The following DNAJB4 variants were observed in gnomAD, a reference collection of about 807,000 sequenced individuals.
DNAJB4 encodes DnaJ heat shock protein family (Hsp40) member B4.
A neutral mutation model predicts 26.6 loss-of-function variants in DNAJB4; 10 were observed. The observed-to-expected ratio is 0.38, with a 90% CI of 0.23 to 0.64. The LOEUF is 0.64. Ranked by LOEUF, DNAJB4 falls within the 30% of genes least tolerant of loss-of-function variation. The pLI, the probability that DNAJB4 is intolerant of heterozygous loss-of-function variation, is 0.58. For synonymous variants in DNAJB4, 136 were observed against 134.8 expected (o/e 1.01, Z -0.06); for missense variants, 328 against 408.2 (o/e 0.80, Z 1.69).
chr1:78,007,280 C>T (rs1004717987), intron 1 of DNAJB4, among the ~76,000 whole-genome samples: 1 of 152,006 alleles, frequency 6.6e-6, no homozygotes, highest in Non-Finnish European at 1.5e-5. Context: ...TTATAGGTTA[C>T]TTGAAAATAC....
At chr1:77,999,640 A>G (rs1475745212) in intron 1 of DNAJB4, among the ~76,000 whole-genome samples, 1 of 152,196 alleles carries the variant, frequency 6.6e-6, no homozygotes, top group Non-Finnish European at 1.5e-5. Flanking sequence ...AATAGTTTAT[A>G]TAGCTTAAAA....
upstream of DNAJB4, among the ~76,000 whole-genome samples, chr1:78,000,038 G>T (rs372052152): frequency 1.4e-4 from 21 of 152,290 alleles, no homozygotes; most frequent in East Asian, 3.5e-3. Flanking sequence ...CTACCTATGG[G>T]AAGTTTTAAT....
chr1:78,004,419 A>G (rs1660268902), upstream of DNAJB4: 1 of 152,178 alleles, frequency 6.6e-6, no homozygotes. Context: ...TAGTACACAA[A>G]CTTTCTGGCG....
rs545787787 is a variant in DNAJB4 at position 78,005,061 on chromosome 1, G to T, written c.-50G>T. Reference sequence around the variant, plus strand: ...AGAATCTGTTGCTAAGACTGGGGACGCTGTTTTCTTTTACAAAGGGAAATC... The same window carrying T: ...AGAATCTGTTGCTAAGACTGGGGACTCTGTTTTCTTTTACAAAGGGAAATC... On this transcript the variant is annotated 5_prime_UTR_variant, in exon 1 of 3. Transcript: ENST00000370763. The T allele has an allele frequency of 8.3e-6, 13 of 1,557,722 alleles. No homozygotes were observed. In the African/African-American group the frequency reaches 1.1e-4, roughly 13 times the overall value.
chr1:78,013,088 A>G lies in DNAJB4; in HGVS notation c.249A>G (p.Gly83=), dbSNP rs1009515699. 1.9e-6 allele frequency: 3 copies of G among 1,613,260 alleles called. No homozygotes were observed. The African/African-American group carries it at 4.0e-5, about 22-fold the overall frequency. The part of the protein sequence containing the change: ...KGGAGGTDGQ[G]GTFRYTFHGD... ...GAGCAGGAGGTACTGATGGACAAGG[A>G]GGTACCTTCCGGTACACCTTTCATG... The change falls in exon 2 of 3, where the codon GGA becomes GGG. Residue 83 remains glycine, a synonymous_variant. Coordinates refer to ENST00000370763, the MANE Select transcript of DNAJB4 (RefSeq NM_007034.5).
chr1:77,987,920 A>G (rs997387029), intron 1 of DNAJB4, among the ~76,000 whole-genome samples: 1 of 148,146 alleles, frequency 6.8e-6, no homozygotes, highest in African/African-American at 2.5e-5. Flanking sequence ...TATTTTATAT[A>G]TGTACATATA....
In DNAJB4 at chr1:78,016,154, TG is replaced by T. The variant is rs770474948; in HGVS notation, c.923del (p.Gly308ValfsTer4). 6.2e-7 allele frequency: 1 copy of T among 1,614,148 alleles called. No individual in the cohort carries two copies. The highest frequency in any genetic ancestry group is 8.5e-7 in the Non-Finnish European group (1 of 1,180,026). The stretch of plus-strand genomic sequence containing the variant: ...CATTTCCAAAAAATCCTGACCAACG[TG>T]GTGACCTTCTAATAGAATTTGAGGT... ...LPFPKNPDQR[G>X]DLLIEFEVSF... On this transcript the variant is annotated frameshift_variant, in exon 3 of 3. Transcript: ENST00000370763. LOFTEE classifies it high-confidence loss of function.
chr1:77,998,826 G>A (rs1660125398), intron 1 of DNAJB4, among the ~76,000 whole-genome samples: 3 of 145,548 alleles, frequency 2.1e-5, no homozygotes, highest in African/African-American at 7.5e-5. Flanking sequence ...CTGGGCAACA[G>A]AGTGAGATCC....
chr1:77,989,115 A>G (rs949510254), intron 1 of DNAJB4, among the ~76,000 whole-genome samples: 2 of 152,174 alleles, frequency 1.3e-5, no homozygotes, highest in Non-Finnish European at 2.9e-5. Context: ...GAGTATTGAT[A>G]CTGTGTATGA....
chr1:77,982,740 G>A (rs1160136992), intron 1 of DNAJB4, among the ~76,000 whole-genome samples: 6 of 152,268 alleles, frequency 3.9e-5, no homozygotes, highest in Non-Finnish European at 5.9e-5. Flanking sequence ...GGAGGTTGCA[G>A]TGAGCTGAGA....
intron 1 of DNAJB4, among the ~76,000 whole-genome samples, chr1:77,982,866 A>T (rs538455440): frequency 6.6e-6 from 1 of 152,208 alleles, no homozygotes; most frequent in African/African-American, 2.4e-5. Context: ...ATTGGACTAT[A>T]TGTGAATCCG....
intron 1 of DNAJB4, among the ~76,000 whole-genome samples, chr1:77,991,184 A>T (rs1295489404): frequency 6.6e-6 from 1 of 152,200 alleles, no homozygotes; most frequent in African/African-American, 2.4e-5. Context: ...TGCTTTATAT[A>T]TAACAAATAT....
chr1:77,986,137 TGTC>T (rs1659784681), intron 1 of DNAJB4, among the ~76,000 whole-genome samples: 1 of 152,176 alleles, frequency 6.6e-6, no homozygotes, highest in Non-Finnish European at 1.5e-5. Flanking sequence ...TCATCCCAAT[TGTC>T]AGCCTGATTC....
At chr1:78,003,630 C>A (rs1369176490), upstream of DNAJB4, among the ~76,000 whole-genome samples, 2 of 152,048 alleles carry the variant, frequency 1.3e-5, no homozygotes, top group Non-Finnish European at 2.9e-5. Flanking sequence ...GTGTGCAATT[C>A]TTCTGACTTT....
At position 78,014,496 on chromosome 1, in the gene DNAJB4, AC is replaced by A. The variant is rs796109689; in HGVS notation, c.780+879del. Among the ~76,000 whole-genome samples the A allele has an allele frequency of 7.8e-4, 118 of 152,200 alleles. 1 individual carries two copies. The highest frequency in any genetic ancestry group is 2.7e-3 in the African/African-American group (111 of 41,514). On this transcript the variant is annotated intron_variant, in intron 2 of 2. Transcript: ENST00000370763. ...TCAAATTCTTAAATTGCTCTATATA[AC>A]CTCTACCATAAAGTCCAAACTCTTT...
At chr1:78,011,813 AT>A (rs1338866115) in intron 1 of DNAJB4, among the ~76,000 whole-genome samples, 1 of 151,792 alleles carries the variant, frequency 6.6e-6, no homozygotes, top group African/African-American at 2.4e-5. Context: ...GTAAAAGATG[AT>A]CTGAAATAAA....
At chr1:77,987,891 A>G (rs1038663988) in intron 1 of DNAJB4, among the ~76,000 whole-genome samples, 1 of 149,052 alleles carries the variant, frequency 6.7e-6, no homozygotes, top group Non-Finnish European at 1.5e-5. Context: ...ACCCTAAGCC[A>G]TATGTATATA....
At chr1:77,994,581 CTCTTT>C (rs1413609833) in intron 1 of DNAJB4, among the ~76,000 whole-genome samples, 4 of 55,994 alleles carry the variant, frequency 7.1e-5, no homozygotes, top group Non-Finnish European at 1.5e-4. Flanking sequence ...ACTACTCTCT[CTCTTT>C]TTTTTTTTTT....
chr1:78,006,904 C>T (rs1190241134), intron 1 of DNAJB4, among the ~76,000 whole-genome samples: 1 of 152,124 alleles, frequency 6.6e-6, no homozygotes, highest in Non-Finnish European at 1.5e-5. Context: ...AAGCAGATAT[C>T]CACTGCTTTG....
Sources: allele counts gnomAD v4.1 joint callset (sites outside exome capture counted in the v4.1 genomes callset), GRCh38; gene constraint gnomAD v4.1.1; transcripts MANE v1.5; gene names NCBI Gene and HGNC (gene_info 2026-07-23, HGNC 2026-07-21).